Variants in SFMBT2 observed in about 807,000 individuals in gnomAD.
The protein encoded by SFMBT2 is Scm like with four mbt domains 2, also known as scm-like with four MBT domains protein 2.
A neutral mutation model predicts 110.1 loss-of-function variants in SFMBT2; 38 were observed. That is an observed-to-expected ratio of 0.35 (90% CI 0.27 to 0.45). The LOEUF (loss-of-function observed/expected upper bound fraction) is 0.45. SFMBT2 is among the 20% of genes least tolerant of loss of function. The pLI is 1.00. For synonymous variants in SFMBT2, 425 were observed against 425.4 expected, an observed-to-expected ratio of 1.00 and a Z score of 0.01; for missense variants, 1,011 against 1,094.9, an observed-to-expected ratio of 0.92 and a Z score of 1.08.
chr10:7,291,619 T>G (rs756234507), intron 4 of SFMBT2, among the ~76,000 whole-genome samples: 1 of 152,214 alleles, frequency 6.6e-6, no homozygotes, highest in East Asian at 1.9e-4. Context: ...ACAATGCTCA[T>G]GCATCATACT....
At chr10:7,333,245 G>C (rs1366490205) in intron 4 of SFMBT2, among the ~76,000 whole-genome samples, 4 of 152,136 alleles carry the variant, frequency 2.6e-5, no homozygotes, top group Non-Finnish European at 5.9e-5. Flanking sequence ...TAGAAGACTA[G>C]CACAAATAAA....
chr10:7,317,784 G>A (rs1233849728), intron 4 of SFMBT2, among the ~76,000 whole-genome samples: 1 of 152,058 alleles, frequency 6.6e-6, no homozygotes, highest in African/African-American at 2.4e-5. Flanking sequence ...GTAACAAAAT[G>A]ACATGAAATA....
At chr10:7,322,307 C>A (rs1373878726) in intron 4 of SFMBT2, among the ~76,000 whole-genome samples, 1 of 152,168 alleles carries the variant, frequency 6.6e-6, no homozygotes, top group African/African-American at 2.4e-5. Flanking sequence ...GAGGCCTCCC[C>A]AGCCATGTGA....
At position 7,367,653 on chromosome 10, in the gene SFMBT2, C is replaced by T. The variant is rs763140184; in HGVS notation, c.432G>A (p.Pro144=). 7 of 1,608,612 alleles carry T rather than the reference C, an allele frequency of 4.4e-6. No individual in the cohort carries two copies. The highest frequency in any genetic ancestry group is 4.5e-5 in the East Asian group (2 of 44,780). ...GCCTTTGAAACAGGGGCTCACCGTC[C>T]GGCGGCATCAACACCTTGTTGTTCT... ...CTQNNKVLMP[P]DAIKEKYTDW... is the part of the protein sequence containing the mutation. The change falls in exon 4 of 21, where the codon CCG becomes CCA. Residue 144 remains proline, a synonymous_variant. Coordinates refer to ENST00000397167, the MANE Select transcript of SFMBT2 (RefSeq NM_001387889.1). This position sits in a 1 kb window ranked among gnomAD's most constrained non-coding sequence, Gnocchi z 6.2.
Position 7,176,124 on chromosome 10 carries a change from C to T in SFMBT2, c.1850G>A (p.Arg617Gln), listed in dbSNP as rs150573223. The change falls in exon 17 of 21, where the codon CGG becomes CAG. Residue 617 changes from arginine to glutamine, a missense_variant. This residue lies in a region of SFMBT2 where 979 missense variants were observed against 1,016.1 expected (regional missense o/e 0.96). Coordinates refer to ENST00000397167, the MANE Select transcript of SFMBT2 (RefSeq NM_001387889.1). Reference sequence around the variant, plus strand: ...GAAATTTGCGACTTGGTCAGATGTCCGTACGATTTTGACCACAGCCCTGTA... The same window carrying T: ...GAAATTTGCGACTTGGTCAGATGTCTGTACGATTTTGACCACAGCCCTGTA... Reference protein sequence around the residue: ...KTYRAVVKIVRTSDQVANFCR... With the variant: ...KTYRAVVKIVQTSDQVANFCR... 4.9e-5 allele frequency: 79 copies of T among 1,614,124 alleles called. No individual in the cohort carries two copies. Among genetic ancestry groups the T allele is most frequent in the East Asian group, 1.6e-4 (7 of 44,882 alleles).
At chr10:7,345,397 C>T (rs1005379286) in intron 4 of SFMBT2, among the ~76,000 whole-genome samples, 1 of 152,184 alleles carries the variant, frequency 6.6e-6, no homozygotes, top group African/African-American at 2.4e-5. Flanking sequence ...CTAGCTCTGT[C>T]ACCCAGGCTA....
At position 7,161,511 on chromosome 10, in the gene SFMBT2, G is replaced by A. The variant is rs1007918041; in HGVS notation, c.*2259C>T. On this transcript the variant is annotated 3_prime_UTR_variant, in exon 21 of 21. Coordinates refer to ENST00000397167, the MANE Select transcript of SFMBT2 (RefSeq NM_001387889.1). ...ACTGAGCGTTTAAGGCCAAAAGCAT[G>A]TGGCTGAGAAGGCAGGGGTGGAAAA... 2 of 152,242 alleles carry A rather than the reference G, an allele frequency of 1.3e-5. No individual in the cohort carries two copies. Among genetic ancestry groups the A allele is most frequent in the East Asian group, 3.9e-4 (2 of 5,194 alleles). The allele number at this position is 152,242 out of a possible 1,614,324, so 9.4% of individuals were successfully genotyped here.
intron 4 of SFMBT2, among the ~76,000 whole-genome samples, chr10:7,315,068 G>GA (rs1178681348): frequency 1.5e-4 from 21 of 142,032 alleles, no homozygotes; most frequent in Admixed American, 1.5e-3. Context: ...AAGAAAGAAA[G>GA]AAAGAAAGAA....
chr10:7,329,805 G>C (rs1423784575), intron 4 of SFMBT2, among the ~76,000 whole-genome samples: 1 of 152,228 alleles, frequency 6.6e-6, no homozygotes, highest in Non-Finnish European at 1.5e-5. Context: ...AGCAAATGAG[G>C]TGGCAGCTGT....
chr10:7,357,316 T>C (rs1751874257), intron 4 of SFMBT2, among the ~76,000 whole-genome samples: 2 of 152,144 alleles, frequency 1.3e-5, no homozygotes, highest in Admixed American at 6.6e-5. Context: ...GAAGGTGTTG[T>C]TGGATGCGAC....
At chr10:7,299,416 G>C (rs989830420) in intron 4 of SFMBT2, among the ~76,000 whole-genome samples, 1 of 152,140 alleles carries the variant, frequency 6.6e-6, no homozygotes, top group Non-Finnish European at 1.5e-5. Flanking sequence ...TCAAAAAGTT[G>C]GCAAAGGATA....
Position 7,172,604 on chromosome 10 carries a change from G to A in SFMBT2, c.2042C>T (p.Pro681Leu). Reference protein sequence around the residue: ...ISKPPIGESNPDSGHPKPARR... With the variant: ...ISKPPIGESNLDSGHPKPARR... ...GGCGGGTTTGGGGTGTCCGCTGTCG[G>A]GGTTGCTTTCCCCGATGGGGGGCTT... Residue 681 changes from proline to leucine, a missense_variant, in exon 18 of 21, where the codon CCC becomes CTC. Pro to Leu is a moderately conservative substitution (Grantham distance 98). Around this residue, in one of 2 missense-constraint regions of SFMBT2, gnomAD observed 979 missense variants for 1,016.1 expected, o/e 0.96. Transcript: ENST00000397167. This position sits in a 1 kb window ranked among gnomAD's most constrained non-coding sequence, Gnocchi z 4.6. 1 of 1,614,230 alleles carries A rather than the reference G, an allele frequency of 6.2e-7. No individual in the cohort carries two copies. Among genetic ancestry groups the A allele is most frequent in the South Asian group, 1.1e-5 (1 of 91,082 alleles).
intron 7 of SFMBT2, among the ~76,000 whole-genome samples, chr10:7,274,879 G>A (rs7091482): frequency 0.032 from 4,871 of 151,964 alleles, 108 homozygotes; most frequent in Non-Finnish European, 0.052. Context: ...ATTAGCTCAC[G>A]ACTTCACCTA....
At chr10:7,288,629 C>T (rs1190048138) in intron 4 of SFMBT2, among the ~76,000 whole-genome samples, 1 of 152,184 alleles carries the variant, frequency 6.6e-6, no homozygotes, top group Non-Finnish European at 1.5e-5. Context: ...AAAATCTGGA[C>T]TCATTTTATG....
At chr10:7,362,399 T>C (rs1225915232) in intron 4 of SFMBT2, among the ~76,000 whole-genome samples, 1 of 152,216 alleles carries the variant, frequency 6.6e-6, no homozygotes, top group Non-Finnish European at 1.5e-5. Context: ...ACAGCTTACA[T>C]TAATTTAAAA....
intron 11 of SFMBT2, among the ~76,000 whole-genome samples, chr10:7,214,928 AACTG>A (rs925030937): frequency 1.3e-5 from 2 of 152,244 alleles, no homozygotes; most frequent in Non-Finnish European, 2.9e-5. Flanking sequence ...CAGTGGTAAC[AACTG>A]AAAGAGCTAA....
In SFMBT2 at chr10:7,301,902, G is replaced by A. The variant is rs2131883025; in HGVS notation, c.437-15948C>T. On this transcript the variant is annotated intron_variant, in intron 4 of 20. Coordinates refer to ENST00000397167, the MANE Select transcript of SFMBT2 (RefSeq NM_001387889.1). The surrounding 1 kb of genome is among the most constrained non-coding windows in gnomAD (Gnocchi z 4.2). ...ACCGTTTTGGGCTGGGAGACCTCAGGAGCTAATCCAGCATAGTTATGCAGA... is the reference window on the plus strand; with the variant it reads ...ACCGTTTTGGGCTGGGAGACCTCAGAAGCTAATCCAGCATAGTTATGCAGA... 6.6e-6 allele frequency among the ~76,000 whole-genome samples: 1 copy of A among 152,170 alleles called. No individual in the cohort carries two copies. The highest frequency in any genetic ancestry group is 1.5e-5 in the Non-Finnish European group (1 of 68,006).
Position 7,158,842 on chromosome 10 carries a change from G to A in SFMBT2, c.*4928C>T, listed in dbSNP as rs1299333092. ...AATGACACCAATTTTTCCCTTTTAC[G>A]CACCAAAAACATACACAAGATAGGA... On this transcript the variant is annotated 3_prime_UTR_variant, in exon 21 of 21. Coordinates refer to ENST00000397167, the MANE Select transcript of SFMBT2 (RefSeq NM_001387889.1). 1 of 151,764 alleles carries A rather than the reference G, an allele frequency of 6.6e-6. No individual in the cohort carries two copies. Among genetic ancestry groups the A allele is most frequent in the Non-Finnish European group, 1.5e-5 (1 of 67,956 alleles). The allele number at this position is 151,764 out of a possible 1,614,324, so 9.4% of individuals were successfully genotyped here.
chr10:7,362,230 C>T (rs1259971789), intron 4 of SFMBT2, among the ~76,000 whole-genome samples: 2 of 152,122 alleles, frequency 1.3e-5, no homozygotes, highest in African/African-American at 4.8e-5. Flanking sequence ...CTCTGAACGG[C>T]CGATTGGTCA....
Sources: gnomAD v4.1 joint callset for allele counts (sites outside exome capture counted in the v4.1 genomes callset) on GRCh38, gnomAD v4.1.1 for gene constraint, gnomAD v4.1.1 regional missense constraint, Gnocchi (gnomAD v3.1) non-coding constraint, MANE v1.5 for transcripts, NCBI Gene and HGNC (gene_info 2026-07-23, HGNC 2026-07-21) for gene names.